The following MTREX variants were observed in gnomAD, a reference collection of about 807,000 sequenced individuals.
MTREX encodes exosome RNA helicase MTR4.
Under a neutral mutation model 135.4 loss-of-function variants are expected in MTREX, and 76 were observed. The observed-to-expected ratio is 0.56, with a 90% CI of 0.47 to 0.68. The LOEUF (loss-of-function observed/expected upper bound fraction) is 0.68. MTREX is among the 30% of genes least tolerant of loss of function. The pLI is 0.00. For synonymous variants in MTREX, 404 were observed against 401.6 expected (o/e 1.01, Z -0.07); for missense variants, 920 against 1,262.1 (o/e 0.73, Z 4.11).
chr5:55,345,023 T>G, intron 9 of MTREX, 71 bp from the exon 10 acceptor site: 2 of 874,880 alleles, frequency 2.3e-6, no homozygotes, highest in Non-Finnish European at 3.7e-6. Flanking sequence ...TGGGGAAGCC[T>G]TATGTATGAA....
intron 19 of MTREX, among the ~76,000 whole-genome samples, chr5:55,391,958 T>C (rs2111573771): frequency 6.6e-6 from 1 of 152,278 alleles, no homozygotes; most frequent in East Asian, 1.9e-4. Context: ...ACCCTACAAA[T>C]AAACACCTTC....
intron 21 of MTREX, among the ~76,000 whole-genome samples, chr5:55,401,649 A>G (rs1579895280): frequency 6.6e-6 from 1 of 152,332 alleles, no homozygotes; most frequent in Admixed American, 6.5e-5. Flanking sequence ...CTTCGCCAGC[A>G]TGTGTTATTG....
chr5:55,420,975 A>C (rs1751045725), intron 25 of MTREX, among the ~76,000 whole-genome samples: 1 of 152,196 alleles, frequency 6.6e-6, no homozygotes, highest in Non-Finnish European at 1.5e-5. Context: ...TTTATATTTT[A>C]CCACTATTTG....
chr5:55,417,189 A>G (rs771903793), intron 25 of MTREX, among the ~76,000 whole-genome samples: 1 of 152,180 alleles, frequency 6.6e-6, no homozygotes, highest in African/African-American at 2.4e-5. Flanking sequence ...CATTTAGTCA[A>G]ACAGTCCCAA....
At chr5:55,376,118 G>T (rs147153433) in intron 16 of MTREX, among the ~76,000 whole-genome samples, 3 of 152,218 alleles carry the variant, frequency 2.0e-5, no homozygotes, top group Admixed American at 1.3e-4. Flanking sequence ...TCTGCCACCT[G>T]ATCTAACGCC....
chr5:55,422,957 T>G lies in MTREX; in HGVS notation c.3051T>G (p.Thr1017=). ...AAGCAGCAAAAGCCATTGGAAACAC[T>G]GAGCTGGAAAATAAATTTGCAGAAG... ...MCQAAKAIGN[T]ELENKFAEGI... is the part of the protein sequence containing the mutation. Residue 1017 remains threonine, a synonymous_variant, in exon 26 of 27, where the codon ACT becomes ACG. Coordinates refer to ENST00000230640, the MANE Select transcript of MTREX (RefSeq NM_015360.5). 6.2e-7 allele frequency: 1 copy of G among 1,613,974 alleles called. No homozygotes were observed. The highest frequency in any genetic ancestry group is 8.5e-7 in the Non-Finnish European group (1 of 1,179,906).
chr5:55,401,130 G>T (rs1750718103), intron 21 of MTREX, among the ~76,000 whole-genome samples: 1 of 152,152 alleles, frequency 6.6e-6, no homozygotes, highest in Non-Finnish European at 1.5e-5. Context: ...TGCCTCCCGG[G>T]TTCAAGTGAT....
At chr5:55,371,157 C>G (rs1750188076) in intron 16 of MTREX, among the ~76,000 whole-genome samples, 1 of 152,116 alleles carries the variant, frequency 6.6e-6, no homozygotes, top group African/African-American at 2.4e-5. Context: ...TCAAGGCTAC[C>G]TGAGCCTCAG....
Position 55,415,953 on chromosome 5 carries a change from C to A in MTREX, c.2809-17C>A. The A allele has an allele frequency of 6.4e-7, 1 of 1,553,226 alleles. No homozygotes were observed. The highest frequency in any genetic ancestry group is 1.4e-5 in the African/African-American group (1 of 71,462). On this transcript the variant is annotated splice_polypyrimidine_tract_variant and intron_variant, in intron 24 of 26. Transcript: ENST00000230640. ...GGAGATCATAAGTAAGGAATTTTAACTCTTTTATCTTTAAAGGAATGTGCT... is the reference window on the plus strand; with the variant it reads ...GGAGATCATAAGTAAGGAATTTTAAATCTTTTATCTTTAAAGGAATGTGCT...
intron 15 of MTREX, among the ~76,000 whole-genome samples, chr5:55,365,665 A>G (rs187887275): frequency 4.1e-4 from 62 of 152,298 alleles, no homozygotes; most frequent in African/African-American, 1.4e-3. Context: ...ATAACTACAC[A>G]ACCATTTTCA....
At chr5:55,367,861 C>G (rs1309137827) in intron 16 of MTREX, among the ~76,000 whole-genome samples, 4 of 152,044 alleles carry the variant, frequency 2.6e-5, no homozygotes, top group Admixed American at 6.6e-5. Flanking sequence ...AAATATTGTG[C>G]GTAGTCATCG....
chr5:55,377,135 C>T (rs1413914874), intron 16 of MTREX, among the ~76,000 whole-genome samples: 1 of 152,048 alleles, frequency 6.6e-6, no homozygotes, highest in Non-Finnish European at 1.5e-5. Flanking sequence ...CGAGACCATC[C>T]TGGCTAACAT....
rs570989974 is a variant in MTREX at position 55,422,874 on chromosome 5, C to G, written c.2972-4C>G. The G allele has an allele frequency of 3.3e-5, 53 of 1,608,496 alleles. 1 individual carries two copies. The Middle Eastern group carries it at 4.8e-3, about 146-fold the overall frequency. The stretch of plus-strand genomic sequence containing the variant: ...TACCAGTGTTTTGTTCCTTTTCTAT[C>G]CAGGCAGCATAATTCGTTGTATGAG... On this transcript the variant is annotated splice_region_variant and splice_polypyrimidine_tract_variant and intron_variant, in intron 25 of 26. Coordinates refer to ENST00000230640, the MANE Select transcript of MTREX (RefSeq NM_015360.5).
At chr5:55,342,488 A>C (rs12697140) in intron 7 of MTREX, among the ~76,000 whole-genome samples, 20,668 of 152,202 alleles carry the variant, frequency 0.14, 1,726 homozygotes, top group East Asian at 0.26. Flanking sequence ...TATGAAATAA[A>C]AATGAACAAA....
At chr5:55,399,361 C>T (rs1193517989) in intron 20 of MTREX, among the ~76,000 whole-genome samples, 1 of 152,204 alleles carries the variant, frequency 6.6e-6, no homozygotes, top group Non-Finnish European at 1.5e-5. Context: ...TTATCCAAGA[C>T]CCTGAAAGTT....
intron 15 of MTREX, among the ~76,000 whole-genome samples, chr5:55,360,001 A>T (rs1749982125): frequency 6.6e-6 from 1 of 152,166 alleles, no homozygotes; most frequent in Non-Finnish European, 1.5e-5. Flanking sequence ...TAATATATTC[A>T]TAGAGTTTTG....
chr5:55,335,413 C>T (rs965950093), intron 5 of MTREX, among the ~76,000 whole-genome samples: 3 of 151,942 alleles, frequency 2.0e-5, no homozygotes, highest in African/African-American at 4.8e-5. Flanking sequence ...TTTTCTTCTT[C>T]GTTTTCCTCT....
intron 1 of MTREX, among the ~76,000 whole-genome samples, chr5:55,314,596 A>G (rs541935121): frequency 1.3e-5 from 2 of 152,334 alleles, no homozygotes; most frequent in East Asian, 3.9e-4. Context: ...ATTTTCCCCC[A>G]GAGCCTTCAG....
Position 55,344,533 on chromosome 5 carries a change from T to C in MTREX, c.918T>C (p.Val306=), listed in dbSNP as rs1296159069. The C allele has an allele frequency of 3.7e-6, 6 of 1,607,432 alleles. No individual in the cohort carries two copies. The South Asian group carries it at 4.4e-5, about 12-fold the overall frequency. Residue 306 remains valine, a synonymous_variant, in exon 9 of 27, where the codon GTT becomes GTC. Transcript: ENST00000230640. The part of the protein sequence containing the change: ...ICHLHKQPCH[V]IYTDYRPTPL... ...CTTTCTTTTTACAGCCTTGTCATGT[T>C]ATTTACACAGATTATCGGCCCACTC...
Sources: gnomAD v4.1 joint callset for allele counts (sites outside exome capture counted in the v4.1 genomes callset) on GRCh38, gnomAD v4.1.1 for gene constraint, MANE v1.5 for transcripts, NCBI Gene and HGNC (gene_info 2026-07-23, HGNC 2026-07-21) for gene names.